Variants in ARMC12 observed in about 807,000 individuals in gnomAD.
The protein encoded by ARMC12 is armadillo repeat containing 12.
ARMC12 carries 25 observed loss-of-function variants against 37.4 expected under a neutral mutation model. The ratio of observed to expected loss-of-function variants is 0.67; its 90% CI spans 0.49 to 0.93. The LOEUF is 0.93. Among genes scored for constraint, ARMC12 ranks in the 40% least tolerant of loss-of-function variants. ARMC12 has a pLI of 0.00. For missense variants in ARMC12, 384 were observed against 426.6 expected (o/e 0.90, Z 0.88); for synonymous variants, 167 against 176.1 (o/e 0.95, Z 0.41).
chr6:35,733,137 A>C (rs991681306), upstream of ARMC12, among the ~76,000 whole-genome samples: 4 of 152,078 alleles, frequency 2.6e-5, no homozygotes, highest in African/African-American at 9.7e-5. Flanking sequence ...GCGCCACTGC[A>C]CTCCAGCCCG....
At chr6:35,736,402 G>A (rs1427856214), upstream of ARMC12, among the ~76,000 whole-genome samples, 1 of 152,178 alleles carries the variant, frequency 6.6e-6, no homozygotes, top group Admixed American at 6.5e-5. Context: ...TTGTCAATGG[G>A]CATACCCCAA....
chr6:35,742,786 C>T (rs1458141511), intron 3 of ARMC12, among the ~76,000 whole-genome samples: 1 of 152,176 alleles, frequency 6.6e-6, no homozygotes, highest in Non-Finnish European at 1.5e-5. Flanking sequence ...CTTAGATGCC[C>T]TCCAAGTTCT....
At chr6:35,734,308 C>G (rs1766902378), upstream of ARMC12, among the ~76,000 whole-genome samples, 1 of 152,044 alleles carries the variant, frequency 6.6e-6, no homozygotes, top group Non-Finnish European at 1.5e-5. Context: ...TACAGGCACG[C>G]ACCACCATGC....
chr6:35,741,961 G>A (rs994993792), intron 3 of ARMC12, among the ~76,000 whole-genome samples: 1 of 151,914 alleles, frequency 6.6e-6, no homozygotes, highest in African/African-American at 2.4e-5. Flanking sequence ...GGACTCAAGT[G>A]ATCCTCCCAC....
Position 35,748,652 on chromosome 6 carries a change from G to A in ARMC12, c.805G>A (p.Val269Met), listed in dbSNP as rs766788556. Residue 269 changes from valine (V) to methionine (M), a missense_variant, in exon 6 of 6, where the codon GTG becomes ATG. Transcript: ENST00000373866. ...GGGCCGGAACGCACCCCACTACCAC[G>A]TGGTGAAATGGCATTACAACGAACA... is the stretch of plus-strand genomic sequence containing the variant. ...SEGRNAPHYH[V>M]VKWHYNEQSL... is the part of the protein sequence containing the mutation. 10 of 1,613,870 alleles carry A rather than the reference G, an allele frequency of 6.2e-6. No homozygotes were observed. The highest frequency in any genetic ancestry group is 5.0e-5 in the Admixed American group (3 of 59,996).
chr6:35,743,216 C>CT (rs35053737), intron 3 of ARMC12, among the ~76,000 whole-genome samples: 8,417 of 140,010 alleles, frequency 0.06, 340 homozygotes, highest in African/African-American at 0.11. Context: ...AAGCATCTTA[C>CT]TTTTTTTTTT....
chr6:35,741,140 T>C lies in ARMC12; in HGVS notation c.444+2622T>C, dbSNP rs537131006. On this transcript the variant is annotated intron_variant, in intron 3 of 5. Coordinates refer to ENST00000373866, the MANE Select transcript of ARMC12 (RefSeq NM_001286574.2). ...CCCCTGGGTCTCTTTCACCGCTCTGTGGTGGTCTCTTTCGTGAATACTCTG... is the reference window on the plus strand; with the variant it reads ...CCCCTGGGTCTCTTTCACCGCTCTGCGGTGGTCTCTTTCGTGAATACTCTG... Among the ~76,000 whole-genome samples, 16 of 152,228 alleles carry C rather than the reference T, an allele frequency of 1.1e-4. No individual in the cohort carries two copies. In the East Asian group the frequency reaches 3.1e-3, roughly 29 times the overall value.
Position 35,748,700 on chromosome 6 carries a change from G to A in ARMC12, c.853G>A (p.Gly285Arg). Residue 285 changes from glycine (G) to arginine (R), a missense_variant, in exon 6 of 6, where the codon GGG becomes AGG. Gly to Arg is a moderately radical substitution (Grantham distance 125). Transcript: ENST00000373866. The stretch of plus-strand genomic sequence containing the variant: ...ACAGTCCCTGCATGAATCCCTCTTT[G>A]GGGAAGAGTCCCGACTGGCAGACCG... The part of the protein sequence containing the change: ...NEQSLHESLF[G>R]EESRLADRLL... 6.2e-7 allele frequency: 1 copy of A among 1,614,170 alleles called. No homozygotes were observed.
chr6:35,744,569 G>T (rs1251507678), intron 3 of ARMC12, among the ~76,000 whole-genome samples: 21 of 151,804 alleles, frequency 1.4e-4, no homozygotes, highest in East Asian at 1.2e-3. Flanking sequence ...AGCCTGGGCA[G>T]CATGGTGAAA....
At chr6:35,746,209 T>G (rs1207089387) in intron 3 of ARMC12, among the ~76,000 whole-genome samples, 3 of 151,998 alleles carry the variant, frequency 2.0e-5, no homozygotes, top group African/African-American at 7.3e-5. Context: ...AAGGTAACAT[T>G]TTAATGAAGT....
At chr6:35,738,644 G>A in intron 3 of ARMC12, 126 bp downstream of exon 3, 1 of 1,332,366 alleles carries the variant, frequency 7.5e-7, no homozygotes, top group East Asian at 2.4e-5. Flanking sequence ...CCAGAAATAA[G>A]TGGGAAAACG....
intron 3 of ARMC12, among the ~76,000 whole-genome samples, chr6:35,740,258 C>T (rs775304813): frequency 1.3e-5 from 2 of 152,140 alleles, no homozygotes; most frequent in Non-Finnish European, 2.9e-5. Flanking sequence ...TATCATACCC[C>T]CAAACTTACA....
At chr6:35,742,496 C>CAAAAAA (rs760070963) in intron 3 of ARMC12, among the ~76,000 whole-genome samples, 25 of 43,414 alleles carry the variant, frequency 5.8e-4, no homozygotes, top group African/African-American at 9.5e-4. Context: ...GACTCTGTCT[C>CAAAAAA]AAAAAAAAAA....
chr6:35,745,021 G>A (rs1581928706), intron 3 of ARMC12, among the ~76,000 whole-genome samples: 1 of 152,272 alleles, frequency 6.6e-6, no homozygotes, highest in East Asian at 1.9e-4. Flanking sequence ...TATTGCTGGT[G>A]GGAATATAAA....
chr6:35,747,147 G>A, intron 3 of ARMC12, 114 bp from the exon 4 acceptor site: 1 of 1,094,862 alleles, frequency 9.1e-7, no homozygotes, highest in Non-Finnish European at 1.3e-6. Context: ...AGGGAGAATT[G>A]TCTATTGGGT....
upstream of ARMC12, among the ~76,000 whole-genome samples, chr6:35,732,154 G>T (rs1581913663): frequency 6.6e-6 from 1 of 152,194 alleles, no homozygotes; most frequent in Non-Finnish European, 1.5e-5. Context: ...CTCTGGGGGC[G>T]CTGGCCCCCT....
Position 35,749,072 on chromosome 6 carries a change from T to A in ARMC12, c.*202T>A. 1 of 514,210 alleles carries A rather than the reference T, an allele frequency of 1.9e-6. No homozygotes were observed. The highest frequency in any genetic ancestry group is 3.3e-6 in the Non-Finnish European group (1 of 305,978). The allele number at this position is 514,210 out of a possible 1,614,324, so 31.9% of individuals were successfully genotyped here. A position where few individuals can be genotyped will look rare whatever the true frequency, so the allele number is the denominator to read the frequency against. ...GGGACTAGCTCCCCTCTTCTCTTGC[T>A]GCTTTTCTTTCTTTTTTTTTTTTTG... is the stretch of plus-strand genomic sequence containing the variant. On this transcript the variant is annotated 3_prime_UTR_variant, in exon 6 of 6. Transcript: ENST00000373866.
intron 1 of ARMC12, 48 bp from the exon 2 acceptor site, chr6:35,737,979 C>G: frequency 3.1e-6 from 5 of 1,606,354 alleles, no homozygotes; most frequent in Non-Finnish European, 4.2e-6. Context: ...CCCATTCTTT[C>G]ATCACTTCTG....
chr6:35,737,722 G>A (rs959429343), intron 1 of ARMC12, among the ~76,000 whole-genome samples: 1 of 152,184 alleles, frequency 6.6e-6, no homozygotes, highest in Admixed American at 6.5e-5. Flanking sequence ...ATTGCCATCT[G>A]CTGGAATATC....
Sources: allele counts gnomAD v4.1 joint callset (sites outside exome capture counted in the v4.1 genomes callset), GRCh38; gene constraint gnomAD v4.1.1; transcripts MANE v1.5; gene names NCBI Gene and HGNC (gene_info 2026-07-23, HGNC 2026-07-21).